ARHGAP25: variants seen among roughly 807,000 people sequenced by gnomAD.
The protein encoded by ARHGAP25 is rho GTPase-activating protein 25.
A neutral mutation model predicts 71.0 loss-of-function variants in ARHGAP25; 34 were observed. The observed-to-expected ratio is 0.48, with a 90% CI of 0.36 to 0.64. The LOEUF is 0.64. Among genes scored for constraint, ARHGAP25 ranks in the 30% least tolerant of loss-of-function variants. The probability of loss-of-function intolerance (pLI) is 0.00; values close to 1 mark genes in which losing one functional copy is unlikely to be tolerated. For synonymous variants in ARHGAP25, 282 were observed against 296.5 expected (o/e 0.95, Z 0.50); for missense variants, 706 against 805.1 (o/e 0.88, Z 1.49).
chr2:68,787,904 G>C lies in ARHGAP25; in HGVS notation c.414G>C (p.Glu138Asp). The C allele has an allele frequency of 1.2e-6, 2 of 1,614,250 alleles. No homozygotes were observed. Among genetic ancestry groups the C allele is most frequent in the Non-Finnish European group, 1.7e-6 (2 of 1,180,046 alleles). The stretch of plus-strand genomic sequence containing the variant: ...TCCTCATGGCCAGCTCTCAGGCGGA[G>C]ATGGAGGAGTGGGTTAAATTCCTCA... ...SYVLMASSQA[E>D]MEEWVKFLRR... is the part of the protein sequence containing the mutation. The change falls in exon 4 of 11, where the codon GAG (glutamate) becomes GAC (aspartate). Residue 138 changes from glutamate (E) to aspartate (D), a missense_variant. Coordinates refer to ENST00000409202, the MANE Select transcript of ARHGAP25 (RefSeq NM_001007231.3).
At chr2:68,735,491 G>C in intron 1 of ARHGAP25, 1 of 593,122 alleles carries the variant, frequency 1.7e-6, no homozygotes, top group Non-Finnish European at 3.0e-6. Flanking sequence ...TGGTGTGCAG[G>C]ATCTGGGGTA....
intron 1 of ARHGAP25, among the ~76,000 whole-genome samples, chr2:68,749,565 G>T (rs1241795849): frequency 6.6e-6 from 1 of 152,140 alleles, no homozygotes; most frequent in Non-Finnish European, 1.5e-5. Context: ...TGCGAGTGTC[G>T]ATAGCTTTGT....
At chr2:68,807,515 C>G in intron 5 of ARHGAP25, 35 bp downstream of exon 5, 2 of 1,597,234 alleles carry the variant, frequency 1.3e-6, no homozygotes, top group Non-Finnish European at 8.6e-7. Flanking sequence ...CACCTCTGCC[C>G]TCCCCTCTGC....
intron 2 of ARHGAP25, among the ~76,000 whole-genome samples, chr2:68,714,343 T>C (rs1204174067): frequency 2.0e-5 from 3 of 152,214 alleles, no homozygotes; most frequent in African/African-American, 7.2e-5. Flanking sequence ...CCCTTTTTCA[T>C]TTTTTATTGC....
chr2:68,792,581 T>C (rs552767035), intron 4 of ARHGAP25, among the ~76,000 whole-genome samples: 1 of 152,348 alleles, frequency 6.6e-6, no homozygotes, highest in East Asian at 1.9e-4. Context: ...AAAGACATGA[T>C]TTCATTCTTT....
chr2:68,822,870 A>G lies in ARHGAP25; in HGVS notation c.1731A>G (p.Lys577=), dbSNP rs1438866369. 1 of 1,607,052 alleles carries G rather than the reference A, an allele frequency of 6.2e-7. No individual in the cohort carries two copies. The highest frequency in any genetic ancestry group is 8.5e-7 in the Non-Finnish European group (1 of 1,177,522). ...TQKQMYEEQI[K]NLEKENYDVW... is the part of the protein sequence containing the mutation. The stretch of plus-strand genomic sequence containing the variant: ...AGCAAATGTATGAGGAACAGATTAA[A>G]AAGTAAGTCAGACAGAGGGGCACTG... The change falls in exon 10 of 11, where the codon AAA becomes AAG. Residue 577 remains lysine, a splice_region_variant and synonymous_variant. Coordinates refer to ENST00000409202, the MANE Select transcript of ARHGAP25 (RefSeq NM_001007231.3).
intron 1 of ARHGAP25, chr2:68,757,755 G>T (rs1676568519): frequency 6.6e-6 from 1 of 152,014 alleles, no homozygotes; most frequent in South Asian, 2.1e-4. Context: ...GATTTTAAAA[G>T]TCAGAATTGC....
chr2:68,792,358 A>G (rs190794331), intron 4 of ARHGAP25, among the ~76,000 whole-genome samples: 1 of 152,334 alleles, frequency 6.6e-6, no homozygotes, highest in East Asian at 1.9e-4. Flanking sequence ...CCCATCATCC[A>G]GATAACACAT....
chr2:68,775,175 T>C (rs1677790696), intron 1 of ARHGAP25, 46 bp from the exon 2 acceptor site: 6 of 1,614,168 alleles, frequency 3.7e-6, no homozygotes, highest in South Asian at 1.1e-5. Flanking sequence ...CTTTGCTCAC[T>C]GCCCCATGTC....
In ARHGAP25 at chr2:68,822,576, A is replaced by T; in HGVS notation, c.1437A>T (p.Ala479=). ...EFWSPSSEAK[A]GEGHRRTMSQ... Reference sequence around the variant, plus strand: ...GGTCGCCTTCCTCAGAGGCTAAGGCAGGGGAAGGGCACAGGAGAACGATGT... The same window carrying T: ...GGTCGCCTTCCTCAGAGGCTAAGGCTGGGGAAGGGCACAGGAGAACGATGT... The change falls in exon 10 of 11, where the codon GCA becomes GCT. Residue 479 remains alanine (A), a synonymous_variant. Coordinates refer to ENST00000409202, the MANE Select transcript of ARHGAP25 (RefSeq NM_001007231.3). 6.2e-7 allele frequency: 1 copy of T among 1,614,212 alleles called. No homozygotes were observed. Among genetic ancestry groups the T allele is most frequent in the Non-Finnish European group, 8.5e-7 (1 of 1,180,040 alleles).
At chr2:68,807,593 C>T in intron 5 of ARHGAP25, 113 bp downstream of exon 5, 1 of 1,068,562 alleles carries the variant, frequency 9.4e-7, no homozygotes, top group South Asian at 1.5e-5. Flanking sequence ...CTTCTAAGAG[C>T]CCTGGCTTAC....
At chr2:68,751,661 G>GA (rs1195732189) in intron 1 of ARHGAP25, among the ~76,000 whole-genome samples, 1 of 152,192 alleles carries the variant, frequency 6.6e-6, no homozygotes, top group Non-Finnish European at 1.5e-5. Flanking sequence ...GAAATTGTGT[G>GA]AAAAATTATA....
At chr2:68,724,157 G>T (rs1176079005) in intron 2 of ARHGAP25, among the ~76,000 whole-genome samples, 3 of 152,092 alleles carry the variant, frequency 2.0e-5, no homozygotes, top group Non-Finnish European at 4.4e-5. Flanking sequence ...TCAGATGAGT[G>T]ACCTCTGGAG....
At chr2:68,768,941 A>T (rs1056065022) in intron 1 of ARHGAP25, among the ~76,000 whole-genome samples, 1 of 152,068 alleles carries the variant, frequency 6.6e-6, no homozygotes, top group Non-Finnish European at 1.5e-5. Flanking sequence ...CAGGACCCAA[A>T]ATTGTTCTGG....
intron 4 of ARHGAP25, among the ~76,000 whole-genome samples, chr2:68,803,011 A>C (rs1206037199): frequency 6.6e-6 from 1 of 151,760 alleles, no homozygotes; most frequent in Non-Finnish European, 1.5e-5. Context: ...ATACATATAT[A>C]TATATATAGA....
rs200272123 is a variant in ARHGAP25 at position 68,787,841 on chromosome 2, C to A, written c.351C>A (p.Ala117=). The change falls in exon 4 of 11, where the codon GCC becomes GCA. Residue 117 remains alanine, a splice_region_variant and synonymous_variant. Coordinates refer to ENST00000409202, the MANE Select transcript of ARHGAP25 (RefSeq NM_001007231.3). ...AGKFVFEIIP[A]SWDQNRMGQD... ...CACAAGTGCTAATTCTTCCTCCAGC[C>A]TCATGGGACCAGAATCGCATGGGAC... 1.1e-5 allele frequency: 18 copies of A among 1,613,860 alleles called. No homozygotes were observed. In the East Asian group the frequency reaches 4.0e-4, roughly 36 times the overall value.
intron 2 of ARHGAP25, among the ~76,000 whole-genome samples, chr2:68,723,911 G>A (rs1233703198): frequency 1.4e-5 from 2 of 139,664 alleles, no homozygotes; most frequent in Non-Finnish European, 3.2e-5. Context: ...GCTCTCACTC[G>A]GTTGCCTTGC....
intron 2 of ARHGAP25, among the ~76,000 whole-genome samples, chr2:68,714,332 C>T (rs1364678365): frequency 1.3e-5 from 2 of 152,036 alleles, no homozygotes; most frequent in Admixed American, 1.3e-4. Context: ...GTGGTGATAT[C>T]CCCTTTTTCA....
chr2:68,713,445 G>T (rs906125576), intron 2 of ARHGAP25, among the ~76,000 whole-genome samples: 6 of 152,180 alleles, frequency 3.9e-5, no homozygotes, highest in Non-Finnish European at 7.3e-5. Flanking sequence ...CATGTCATTT[G>T]CAAACAGAGA....
Sources: allele counts gnomAD v4.1 joint callset (sites outside exome capture counted in the v4.1 genomes callset), GRCh38; gene constraint gnomAD v4.1.1; transcripts MANE v1.5; gene names NCBI Gene and HGNC (gene_info 2026-07-23, HGNC 2026-07-21).